Variants in CDH13 observed in about 807,000 individuals in gnomAD.
CDH13 encodes the protein cadherin-13.
Under a neutral mutation model 63.8 loss-of-function variants are expected in CDH13, and 24 were observed. The observed-to-expected ratio is 0.38, with a 90% CI of 0.27 to 0.53. The LOEUF is 0.53. Among genes scored for constraint, CDH13 ranks in the 20% least tolerant of loss-of-function variants. CDH13 has a pLI of 0.85. For missense variants in CDH13, 1,049 were observed against 903.1 expected (o/e 1.16, Z -2.07); for synonymous variants, 503 against 355.3 (o/e 1.42, Z -4.67).
At chr16:82,959,126 T>G (rs1305462132) in intron 2 of CDH13, among the ~76,000 whole-genome samples, 4 of 152,226 alleles carry the variant, frequency 2.6e-5, no homozygotes, top group African/African-American at 9.6e-5. Flanking sequence ...TCTTTCACAG[T>G]TATGGCACAT....
intron 6 of CDH13, among the ~76,000 whole-genome samples, chr16:83,467,951 T>G (rs1235853692): frequency 6.6e-6 from 1 of 152,180 alleles, no homozygotes; most frequent in African/African-American, 2.4e-5. Flanking sequence ...AGGATGAGGT[T>G]AGAAGCAAAG....
intron 7 of CDH13, among the ~76,000 whole-genome samples, chr16:83,524,389 C>G (rs2074908139): frequency 6.6e-6 from 1 of 150,912 alleles, no homozygotes; most frequent in African/African-American, 2.4e-5. Flanking sequence ...CACAGGTCTT[C>G]CAGCCTGTCT....
intron 10 of CDH13, among the ~76,000 whole-genome samples, chr16:83,712,706 C>G (rs552233069): frequency 6.6e-6 from 1 of 152,266 alleles, no homozygotes; most frequent in South Asian, 2.1e-4. Context: ...GGAAAAAGAC[C>G]ATATTGCCAC....
intron 10 of CDH13, chr16:83,725,990 G>A (rs1028684813): frequency 6.6e-6 from 1 of 152,186 alleles, no homozygotes; most frequent in Non-Finnish European, 1.5e-5. Flanking sequence ...CAGACTGAGC[G>A]ATTTATGTAG....
At chr16:83,031,199 GCGCA>G (rs1567761465) in intron 2 of CDH13, among the ~76,000 whole-genome samples, 5 of 147,368 alleles carry the variant, frequency 3.4e-5, no homozygotes, top group African/African-American at 1.2e-4. Context: ...CCATATACAT[GCGCA>G]TGTATACACC....
At chr16:83,480,562 G>A (rs983132639) in intron 6 of CDH13, among the ~76,000 whole-genome samples, 2 of 152,184 alleles carry the variant, frequency 1.3e-5, no homozygotes, top group African/African-American at 4.8e-5. Context: ...GTGAATGGCT[G>A]TAGGCTGTGT....
chr16:83,393,165 A>G (rs1370316604), intron 6 of CDH13, among the ~76,000 whole-genome samples: 1 of 152,222 alleles, frequency 6.6e-6, no homozygotes, highest in African/African-American at 2.4e-5. Flanking sequence ...CCGTGAGACC[A>G]TGTCACCCAG....
At chr16:82,697,239 C>T (rs1042855148) in intron 1 of CDH13, among the ~76,000 whole-genome samples, 5 of 152,026 alleles carry the variant, frequency 3.3e-5, no homozygotes, top group African/African-American at 7.2e-5. Flanking sequence ...TCAAAGAAGG[C>T]GTTGTATATT....
chr16:83,100,561 T>A (rs1188503589), intron 3 of CDH13, among the ~76,000 whole-genome samples: 1 of 152,220 alleles, frequency 6.6e-6, no homozygotes, highest in African/African-American at 2.4e-5. Context: ...TGCTCCTAGG[T>A]GGAAAACAAT....
intron 3 of CDH13, among the ~76,000 whole-genome samples, chr16:83,080,810 T>C (rs1390354845): frequency 1.3e-5 from 2 of 150,788 alleles, no homozygotes; most frequent in Non-Finnish European, 2.9e-5. Context: ...AATTAGTGGG[T>C]TATTTTTTAG....
intron 3 of CDH13, among the ~76,000 whole-genome samples, chr16:83,070,091 C>T (rs1016232062): frequency 6.6e-6 from 1 of 152,086 alleles, no homozygotes; most frequent in Non-Finnish European, 1.5e-5. Flanking sequence ...TAAAATATCA[C>T]ACTAGCTGTT....
chr16:83,358,332 C>A (rs541894104), intron 6 of CDH13, among the ~76,000 whole-genome samples: 1 of 152,026 alleles, frequency 6.6e-6, no homozygotes, highest in African/African-American at 2.4e-5. Flanking sequence ...TCTGGAGTAG[C>A]GATATGATGG....
At chr16:83,165,429 C>T (rs998562377) in intron 4 of CDH13, among the ~76,000 whole-genome samples, 8 of 152,096 alleles carry the variant, frequency 5.3e-5, no homozygotes, top group Admixed American at 3.9e-4. Flanking sequence ...ACCACAGCAC[C>T]CTTTTTATTA....
chr16:83,206,619 G>T (rs1176711886), intron 4 of CDH13, among the ~76,000 whole-genome samples: 1 of 152,246 alleles, frequency 6.6e-6, no homozygotes, highest in Non-Finnish European at 1.5e-5. Flanking sequence ...TTGGCTCTGT[G>T]GGATACCAGC....
intron 6 of CDH13, among the ~76,000 whole-genome samples, chr16:83,449,652 C>T (rs567912168): frequency 5.9e-5 from 9 of 152,130 alleles, no homozygotes; most frequent in Admixed American, 6.5e-5. Flanking sequence ...CCTCATAACA[C>T]CATGGGATGA....
At chr16:83,304,737 C>T (rs1422923787) in intron 5 of CDH13, among the ~76,000 whole-genome samples, 3 of 152,060 alleles carry the variant, frequency 2.0e-5, no homozygotes, top group Non-Finnish European at 4.4e-5. Flanking sequence ...AGCAGGTGTC[C>T]TGTGGGTTAA....
intron 7 of CDH13, among the ~76,000 whole-genome samples, chr16:83,496,636 G>C (rs889079092): frequency 6.6e-6 from 1 of 152,208 alleles, no homozygotes; most frequent in African/African-American, 2.4e-5. Flanking sequence ...AAAAGCAATG[G>C]CAACAAAAGA....
intron 10 of CDH13, among the ~76,000 whole-genome samples, chr16:83,679,896 C>T (rs1915266317): frequency 6.6e-6 from 1 of 152,134 alleles, no homozygotes; most frequent in Admixed American, 6.5e-5. Flanking sequence ...ACTTGGGATG[C>T]TGCCAGTCAT....
At chr16:83,625,171 CAT>C (rs1491159830) in intron 8 of CDH13, among the ~76,000 whole-genome samples, 8 of 150,882 alleles carry the variant, frequency 5.3e-5, no homozygotes, top group East Asian at 4.1e-4. Flanking sequence ...TGTGTGTGCT[CAT>C]GTGTGTGTGT....
Sources: gnomAD v4.1 joint callset for allele counts (sites outside exome capture counted in the v4.1 genomes callset) on GRCh38, gnomAD v4.1.1 for gene constraint, MANE v1.5 for transcripts, NCBI Gene and HGNC (gene_info 2026-07-23, HGNC 2026-07-21) for gene names.